PLXDC2: variants seen among roughly 807,000 people sequenced by gnomAD.
PLXDC2 encodes the protein plexin domain-containing protein 2.
Under a neutral mutation model 68.9 loss-of-function variants are expected in PLXDC2, and 40 were observed. That is an observed-to-expected ratio of 0.58 (90% CI 0.45 to 0.76). The LOEUF (loss-of-function observed/expected upper bound fraction) is 0.76, where lower values mean the gene tolerates loss of function less well. PLXDC2 is among the 30% of genes least tolerant of loss of function. PLXDC2 has a pLI of 0.00. For missense variants in PLXDC2, 644 were observed against 661.9 expected, an observed-to-expected ratio of 0.97 and a Z score of 0.30; for synonymous variants, 243 against 234.2, an observed-to-expected ratio of 1.04 and a Z score of -0.34.
intron 7 of PLXDC2, among the ~76,000 whole-genome samples, chr10:20,170,390 A>G (rs900193668): frequency 2.6e-5 from 4 of 152,080 alleles, no homozygotes; most frequent in South Asian, 2.1e-4. Flanking sequence ...GGGTTTCACT[A>G]TGTTGGCCAG....
intron 6 of PLXDC2, 24 bp downstream of exon 6, chr10:20,147,926 T>G (rs1834100951): frequency 6.6e-7 from 1 of 1,504,076 alleles, no homozygotes; most frequent in Admixed American, 1.7e-5. Flanking sequence ...TGATAATTTC[T>G]TTCCCTTCCC....
chr10:20,182,778 A>G (rs549873820), intron 9 of PLXDC2, among the ~76,000 whole-genome samples: 2 of 151,828 alleles, frequency 1.3e-5, no homozygotes, highest in East Asian at 2.0e-4. Flanking sequence ...TGCTGCATCT[A>G]TCAACCCACC....
chr10:20,095,031 G>T (rs999784621), intron 4 of PLXDC2, among the ~76,000 whole-genome samples: 5 of 152,140 alleles, frequency 3.3e-5, no homozygotes, highest in African/African-American at 1.2e-4. Flanking sequence ...CCACAAATGT[G>T]ACCGCACATG....
At chr10:20,153,697 G>A (rs1834179365) in intron 6 of PLXDC2, among the ~76,000 whole-genome samples, 1 of 152,124 alleles carries the variant, frequency 6.6e-6, no homozygotes. Flanking sequence ...AAAACCATGA[G>A]TAGCTACTTT....
chr10:19,831,373 A>G lies in PLXDC2; in HGVS notation c.112+14182A>G, dbSNP rs562795254. ...TCCTCATTTTATTTTTCCTATGGGTATAGATGAACTTTCTAGGCAGTGGGA... is the reference window on the plus strand; with the variant it reads ...TCCTCATTTTATTTTTCCTATGGGTGTAGATGAACTTTCTAGGCAGTGGGA... On this transcript the variant is annotated intron_variant, in intron 1 of 13. Coordinates refer to ENST00000377252, the MANE Select transcript of PLXDC2 (RefSeq NM_032812.9). 2.0e-5 allele frequency among the ~76,000 whole-genome samples: 3 copies of G among 152,184 alleles called. No individual in the cohort carries two copies. The South Asian group carries it at 6.2e-4, about 32-fold the overall frequency.
At chr10:20,042,204 A>T (rs1264681242) in intron 2 of PLXDC2, among the ~76,000 whole-genome samples, 1 of 151,220 alleles carries the variant, frequency 6.6e-6, no homozygotes, top group East Asian at 1.9e-4. Flanking sequence ...CTGCCAGTTC[A>T]CTCTTTCTCT....
chr10:20,023,392 G>T (rs1050240939), intron 2 of PLXDC2, among the ~76,000 whole-genome samples: 12 of 152,108 alleles, frequency 7.9e-5, no homozygotes, highest in Non-Finnish European at 1.0e-4. Flanking sequence ...CCTCCAAAAA[G>T]CATGTGTTTG....
intron 2 of PLXDC2, among the ~76,000 whole-genome samples, chr10:20,028,526 T>C (rs1465622362): frequency 6.6e-6 from 1 of 152,198 alleles, no homozygotes; most frequent in African/African-American, 2.4e-5. Flanking sequence ...ATTTGTTTTT[T>C]AGTTTTTAAA....
intron 1 of PLXDC2, among the ~76,000 whole-genome samples, chr10:19,952,782 C>G (rs936817153): frequency 3.3e-5 from 5 of 152,186 alleles, no homozygotes; most frequent in Non-Finnish European, 7.3e-5. Context: ...TTGTTACTTG[C>G]TTCGGATTTT....
chr10:19,989,430 C>A (rs1231389694), intron 1 of PLXDC2, among the ~76,000 whole-genome samples: 2 of 152,044 alleles, frequency 1.3e-5, no homozygotes, highest in South Asian at 4.1e-4. Context: ...ATGGTAGACA[C>A]AAATTGTCCA....
chr10:20,075,538 C>G (rs1480492279), intron 4 of PLXDC2, among the ~76,000 whole-genome samples: 2 of 152,142 alleles, frequency 1.3e-5, no homozygotes, highest in Admixed American at 1.3e-4. Flanking sequence ...ACTTGTTTCT[C>G]CTGCATGTCT....
chr10:20,244,015 C>T (rs775975496), intron 12 of PLXDC2, among the ~76,000 whole-genome samples: 23 of 151,938 alleles, frequency 1.5e-4, no homozygotes, highest in Non-Finnish European at 2.9e-4. Context: ...GCCGAGATCA[C>T]ACCACTGCAC....
intron 12 of PLXDC2, among the ~76,000 whole-genome samples, chr10:20,241,863 A>T (rs1835520375): frequency 6.6e-6 from 1 of 152,206 alleles, no homozygotes. Flanking sequence ...ACTGTTTATG[A>T]TGGCAGATAC....
intron 2 of PLXDC2, among the ~76,000 whole-genome samples, chr10:20,031,223 A>G (rs1835496323): frequency 6.6e-6 from 1 of 152,068 alleles, no homozygotes; most frequent in Admixed American, 6.6e-5. Flanking sequence ...TTAAAAAGAT[A>G]GCCGACCATG....
chr10:19,927,667 C>T (rs934001265), intron 1 of PLXDC2, among the ~76,000 whole-genome samples: 1 of 129,732 alleles, frequency 7.7e-6, no homozygotes, highest in Non-Finnish European at 1.5e-5. Flanking sequence ...GCCCACTGCA[C>T]GCCAGCCTGG....
chr10:20,021,988 C>T lies in PLXDC2; in HGVS notation c.324+20002C>T, dbSNP rs901342329. Among the ~76,000 whole-genome samples, 19 of 152,270 alleles carry T rather than the reference C, an allele frequency of 1.2e-4. 1 individual carries two copies. In the East Asian group the frequency reaches 1.5e-3, roughly 12 times the overall value. On this transcript the variant is annotated intron_variant, in intron 2 of 13. Transcript: ENST00000377252. ...CTGGGATTACAGGCGTGAGCCACCA[C>T]GCCCAGCTCACATTTTATTTTGTAG...
chr10:19,992,785 T>G (rs1834772432), intron 1 of PLXDC2, among the ~76,000 whole-genome samples: 1 of 152,202 alleles, frequency 6.6e-6, no homozygotes, highest in South Asian at 2.1e-4. Context: ...AGAGTCACCA[T>G]GATGGGATAT....
intron 1 of PLXDC2, among the ~76,000 whole-genome samples, chr10:19,924,286 G>A (rs1238195729): frequency 6.6e-6 from 1 of 152,032 alleles, no homozygotes; most frequent in Non-Finnish European, 1.5e-5. Flanking sequence ...CCAAAACCTG[G>A]GACCAGGCTC....
chr10:20,132,264 C>CTT (rs60373433), intron 4 of PLXDC2, among the ~76,000 whole-genome samples: 1 of 151,968 alleles, frequency 6.6e-6, no homozygotes, highest in Admixed American at 6.6e-5. Context: ...TTTGACCTAA[C>CTT]GTGGATCTAT....
Sources: gnomAD v4.1 joint callset for allele counts (sites outside exome capture counted in the v4.1 genomes callset) on GRCh38, gnomAD v4.1.1 for gene constraint, MANE v1.5 for transcripts, NCBI Gene and HGNC (gene_info 2026-07-23, HGNC 2026-07-21) for gene names.